The following NACC2 variants were observed in gnomAD, a reference collection of about 807,000 sequenced individuals.
NACC2 encodes nucleus accumbens-associated protein 2.
NACC2 carries 8 observed loss-of-function variants against 25.1 expected under a neutral mutation model. That is an observed-to-expected ratio of 0.32 (90% CI 0.19 to 0.57). NACC2 has a LOEUF of 0.57. Ranked by LOEUF, NACC2 falls within the 20% of genes least tolerant of loss-of-function variation. The pLI is 0.89. For synonymous variants in NACC2, 435 were observed against 294.7 expected, an observed-to-expected ratio of 1.48 and a Z score of -4.88; for missense variants, 644 against 650.2, an observed-to-expected ratio of 0.99 and a Z score of 0.10.
At chr9:136,025,038 A>G (rs1319312572) in intron 2 of NACC2, among the ~76,000 whole-genome samples, 2 of 152,248 alleles carry the variant, frequency 1.3e-5, no homozygotes, top group Admixed American at 1.3e-4. Context: ...AGAAACGAAA[A>G]AAACAAGGAA....
intron 2 of NACC2, among the ~76,000 whole-genome samples, chr9:136,033,294 A>G (rs1354682814): frequency 6.6e-6 from 1 of 152,208 alleles, no homozygotes; most frequent in African/African-American, 2.4e-5. Flanking sequence ...TTGTTTCTAT[A>G]TATTAGTAAC....
chr9:136,062,731 A>G (rs1393493361), intron 1 of NACC2, among the ~76,000 whole-genome samples: 1 of 152,198 alleles, frequency 6.6e-6, no homozygotes, highest in Non-Finnish European at 1.5e-5. Context: ...CCTGGGCAAC[A>G]TGGCGAAACC....
chr9:136,071,271 G>C (rs749012971), intron 1 of NACC2, among the ~76,000 whole-genome samples: 1 of 151,520 alleles, frequency 6.6e-6, no homozygotes, highest in Non-Finnish European at 1.5e-5. Flanking sequence ...AAGGCTGGGC[G>C]CGGTGGCTCA....
chr9:136,040,424 AAC>A (rs1840611070), intron 2 of NACC2, among the ~76,000 whole-genome samples: 1 of 152,224 alleles, frequency 6.6e-6, no homozygotes, highest in African/African-American at 2.4e-5. Flanking sequence ...ATAATTCACA[AAC>A]ACATCAAATT....
intron 1 of NACC2, among the ~76,000 whole-genome samples, chr9:136,081,385 C>T (rs1019824619): frequency 2.6e-5 from 4 of 152,236 alleles, no homozygotes; most frequent in East Asian, 1.9e-4. Context: ...CAGCCCCACC[C>T]GCTCACAGCC....
intron 2 of NACC2, among the ~76,000 whole-genome samples, chr9:136,047,228 G>A (rs1159764780): frequency 5.9e-5 from 9 of 152,262 alleles, no homozygotes; most frequent in East Asian, 5.8e-4. Context: ...CGGAGGGCAC[G>A]GGGAGCTAGC....
chr9:136,051,524 G>T (rs1264162135), intron 1 of NACC2, among the ~76,000 whole-genome samples: 1 of 152,176 alleles, frequency 6.6e-6, no homozygotes, highest in Non-Finnish European at 1.5e-5. Context: ...GGGGGCGGGG[G>T]CGGCCCAGAA....
At chr9:136,061,745 C>T (rs1841013339) in intron 1 of NACC2, among the ~76,000 whole-genome samples, 2 of 151,938 alleles carry the variant, frequency 1.3e-5, no homozygotes, top group African/African-American at 2.4e-5. Flanking sequence ...GGTGGGTGGG[C>T]GGGGACAAGC....
At chr9:136,052,167 G>A (rs1298700359) in intron 1 of NACC2, among the ~76,000 whole-genome samples, 1 of 152,224 alleles carries the variant, frequency 6.6e-6, no homozygotes, top group East Asian at 1.9e-4. Context: ...GGCCCCGGGT[G>A]CTGGTACGAG....
chr9:136,035,058 C>T (rs1307931796), intron 2 of NACC2, among the ~76,000 whole-genome samples: 3 of 152,186 alleles, frequency 2.0e-5, no homozygotes, highest in Non-Finnish European at 4.4e-5. Flanking sequence ...CACGCCACTG[C>T]ACTCCAGCCT....
chr9:136,007,646 G>A lies in NACC2; in HGVS notation c.*3870C>T, dbSNP rs1840044759. 6.6e-6 allele frequency: 1 copy of A among 152,306 alleles called. No individual in the cohort carries two copies. The highest frequency in any genetic ancestry group is 1.9e-4 in the East Asian group (1 of 5,200). 9.4% of individuals were successfully genotyped at this position (152,306 alleles called of 1,614,324 possible). A position where few individuals can be genotyped will look rare whatever the true frequency, so the allele number is the denominator to read the frequency against. ...GCAGCAGCAACATTCTGAAACAGTAGTTACAGCTGAGGACAGCTACGAGCT... is the reference window on the plus strand; with the variant it reads ...GCAGCAGCAACATTCTGAAACAGTAATTACAGCTGAGGACAGCTACGAGCT... On this transcript the variant is annotated 3_prime_UTR_variant, in exon 6 of 6. Coordinates refer to ENST00000277554, the MANE Select transcript of NACC2 (RefSeq NM_144653.5).
At chr9:136,034,792 T>C (rs1046421968) in intron 2 of NACC2, among the ~76,000 whole-genome samples, 48 of 152,202 alleles carry the variant, frequency 3.2e-4, no homozygotes, top group African/African-American at 1.0e-3. Flanking sequence ...GTTGTGGAGT[T>C]AGAAATAATC....
chr9:136,032,905 C>T (rs770770265), intron 2 of NACC2, among the ~76,000 whole-genome samples: 7 of 152,112 alleles, frequency 4.6e-5, no homozygotes, highest in Admixed American at 3.3e-4. Flanking sequence ...GTAATCCCAG[C>T]TACTCGGGAG....
At chr9:136,016,830 CAGGATGG>C (rs1301166249) in intron 2 of NACC2, among the ~76,000 whole-genome samples, 6 of 152,136 alleles carry the variant, frequency 3.9e-5, no homozygotes, top group South Asian at 4.1e-4. Context: ...CGGCGCAAGA[CAGGATGG>C]AGGATGGAGG....
chr9:136,027,307 TAGAA>T (rs1315354484), intron 2 of NACC2, among the ~76,000 whole-genome samples: 3 of 152,134 alleles, frequency 2.0e-5, no homozygotes, highest in Admixed American at 6.5e-5. Flanking sequence ...GGACAAATGA[TAGAA>T]AGAGATGTAC....
chr9:136,064,039 A>G (rs1841050005), intron 1 of NACC2, among the ~76,000 whole-genome samples: 1 of 152,196 alleles, frequency 6.6e-6, no homozygotes, highest in African/African-American at 2.4e-5. Flanking sequence ...CTATAATCCC[A>G]GCACTTTGGG....
At chr9:136,078,896 A>G (rs1830291874) in intron 1 of NACC2, among the ~76,000 whole-genome samples, 1 of 152,236 alleles carries the variant, frequency 6.6e-6, no homozygotes, top group Non-Finnish European at 1.5e-5. Context: ...GGGGAAGCCA[A>G]GGCAAACTCA....
chr9:136,060,723 T>C (rs933971191), intron 1 of NACC2, among the ~76,000 whole-genome samples: 1 of 152,170 alleles, frequency 6.6e-6, no homozygotes, highest in Non-Finnish European at 1.5e-5. Context: ...GTGAGAAACA[T>C]AGCCGGTGAG....
rs562770381 is a variant in NACC2 at position 136,018,268 on chromosome 9, G to A, written c.887-1839C>T. ...GGGTGGCTGAGCCTCGGGGCGTGGG[G>A]GGGCTGCCAAGGGGGCTGCTGGGGA... On this transcript the variant is annotated intron_variant, in intron 2 of 5. Coordinates refer to ENST00000277554, the MANE Select transcript of NACC2 (RefSeq NM_144653.5). This position sits in a 1 kb window ranked among gnomAD's most constrained non-coding sequence, Gnocchi z 4.4. Among the ~76,000 whole-genome samples the A allele has an allele frequency of 2.0e-4, 30 of 152,212 alleles. No homozygotes were observed. Among genetic ancestry groups the A allele is most frequent in the Non-Finnish European group, 3.8e-4 (26 of 67,982 alleles).
Sources: gnomAD v4.1 joint callset for allele counts (sites outside exome capture counted in the v4.1 genomes callset) on GRCh38, gnomAD v4.1.1 for gene constraint, Gnocchi (gnomAD v3.1) non-coding constraint, MANE v1.5 for transcripts, NCBI Gene and HGNC (gene_info 2026-07-23, HGNC 2026-07-21) for gene names.